The following ENPP4 variants were observed in gnomAD, a reference collection of about 807,000 sequenced individuals.
ENPP4 encodes ectonucleotide pyrophosphatase/phosphodiesterase 4, also known as bis(5'-adenosyl)-triphosphatase ENPP4.
A neutral mutation model predicts 33.4 loss-of-function variants in ENPP4; 18 were observed. The observed-to-expected ratio is 0.54, with a 90% CI of 0.37 to 0.80. The LOEUF (loss-of-function observed/expected upper bound fraction) is 0.80. ENPP4 is among the 30% of genes least tolerant of loss of function. The pLI is 0.00. For synonymous variants in ENPP4, 172 were observed against 189.9 expected (o/e 0.91, Z 0.78); for missense variants, 480 against 541.7 (o/e 0.89, Z 1.13).
chr6:46,134,169 G>A (rs1763943230), intron 1 of ENPP4, among the ~76,000 whole-genome samples: 1 of 151,954 alleles, frequency 6.6e-6, no homozygotes, highest in African/African-American at 2.4e-5. Context: ...TTTGTAACTA[G>A]AATGATAAAG....
intron 1 of ENPP4, among the ~76,000 whole-genome samples, chr6:46,137,650 C>G (rs1763995730): frequency 6.6e-6 from 1 of 151,872 alleles, no homozygotes; most frequent in Non-Finnish European, 1.5e-5. Flanking sequence ...CCATATGCCT[C>G]CTCTACCACT....
rs1448164550 is a variant in ENPP4 at position 46,141,233 on chromosome 6, A to G, written c.997+11A>G. 2 of 1,597,560 alleles carry G rather than the reference A, an allele frequency of 1.3e-6. No individual in the cohort carries two copies. The highest frequency in any genetic ancestry group is 1.1e-5 in the South Asian group (1 of 90,362). On this transcript the variant is annotated intron_variant, in intron 3 of 3. Transcript: ENST00000321037. ...AATCATCACAAAAATGTAAGTATTT[A>G]GTTGAGATATTTCTGTTGTATCCTA...
At chr6:46,131,875 T>C (rs12206373) in intron 1 of ENPP4, among the ~76,000 whole-genome samples, 20,054 of 152,074 alleles carry the variant, frequency 0.13, 1,752 homozygotes, top group South Asian at 0.32. Context: ...TGATATCTCA[T>C]TGTGGTTTTG....
At chr6:46,137,980 A>G (rs180918740) in intron 1 of ENPP4, among the ~76,000 whole-genome samples, 3 of 151,940 alleles carry the variant, frequency 2.0e-5, no homozygotes, top group Admixed American at 2.0e-4. Flanking sequence ...AGAATACACA[A>G]TAAATGACTC....
rs1191043190 is a variant in ENPP4, at chr6:46,146,040, G to T, written c.*2400G>T. Reference sequence around the variant, plus strand: ...AACTAACATGCTGCTCTATTTTCTGGGTGTAGAAAGTATTTGGCTCTAGGA... The same window carrying T: ...AACTAACATGCTGCTCTATTTTCTGTGTGTAGAAAGTATTTGGCTCTAGGA... On this transcript the variant is annotated 3_prime_UTR_variant, in exon 4 of 4. Transcript: ENST00000321037. 1 of 151,574 alleles carries T rather than the reference G, an allele frequency of 6.6e-6. No individual in the cohort carries two copies. Among genetic ancestry groups the T allele is most frequent in the South Asian group, 2.1e-4 (1 of 4,816 alleles). 9.4% of individuals were successfully genotyped at this position (151,574 alleles called of 1,614,324 possible). A position where few individuals can be genotyped will look rare whatever the true frequency, so the allele number is the denominator to read the frequency against.
intron 3 of ENPP4, among the ~76,000 whole-genome samples, chr6:46,142,476 ATTTT>A: frequency 1.2e-5 from 1 of 86,616 alleles, no homozygotes; most frequent in East Asian, 4.1e-4. Flanking sequence ...AAAAATATAT[ATTTT>A]TTTCTAATAT....
chr6:46,138,594 G>T (rs1764009590), intron 1 of ENPP4, among the ~76,000 whole-genome samples: 1 of 151,684 alleles, frequency 6.6e-6, no homozygotes, highest in Non-Finnish European at 1.5e-5. Context: ...TTCACCTCCA[G>T]CCCTCAAATC....
chr6:46,139,564 T>C lies in ENPP4; in HGVS notation c.-20T>C. The C allele has an allele frequency of 8.1e-7, 1 of 1,227,936 alleles. No homozygotes were observed. Among genetic ancestry groups the C allele is most frequent in the East Asian group, 2.3e-5 (1 of 43,072 alleles). 76.1% of individuals were successfully genotyped at this position (1,227,936 alleles called of 1,614,324 possible). A position where few individuals can be genotyped will look rare whatever the true frequency, so the allele number is the denominator to read the frequency against. On this transcript the variant is annotated 5_prime_UTR_variant, in exon 2 of 4. Transcript: ENST00000321037. The stretch of plus-strand genomic sequence containing the variant: ...TTTACATTTTAGGAACCCTGATTGC[T>C]GTCCTTCAACGTGTTCATTATGAAG...
rs557219598 is a variant in ENPP4, at chr6:46,139,198, C to T, written c.-33-353C>T. ...GGAGCCTCTGAAAGCTTGGCATTAA[C>T]GTTATGTTTTACAAAAGAATCATTT... is the stretch of plus-strand genomic sequence containing the variant. On this transcript the variant is annotated intron_variant, in intron 1 of 3. Transcript: ENST00000321037. Among the ~76,000 whole-genome samples the T allele has an allele frequency of 1.3e-4, 19 of 151,806 alleles. No individual in the cohort carries two copies. The East Asian group carries it at 3.3e-3, about 26-fold the overall frequency.
At position 46,139,948 on chromosome 6, in the gene ENPP4, C is replaced by A; in HGVS notation, c.365C>A (p.Thr122Asn). ...AATGAGGCAGTACCTATTTGGGTGA[C>A]CAATCAGCTTCAGGAAAACAGATCA... ...WWNEAVPIWV[T>N]NQLQENRSSA... Residue 122 changes from threonine (T) to asparagine (N), a missense_variant, in exon 2 of 4, where the codon ACC becomes AAC. Around this residue, in one of 3 missense-constraint regions of ENPP4, gnomAD observed 227 missense variants for 273.7 expected, o/e 0.83. Transcript: ENST00000321037. 6.2e-7 allele frequency: 1 copy of A among 1,612,704 alleles called. No individual in the cohort carries two copies. Among genetic ancestry groups the A allele is most frequent in the African/African-American group, 1.3e-5 (1 of 74,864 alleles).
chr6:46,131,162 AATT>A (rs960424124), intron 1 of ENPP4, among the ~76,000 whole-genome samples: 15 of 151,952 alleles, frequency 9.9e-5, no homozygotes, highest in South Asian at 2.1e-4. Flanking sequence ...TTTATTTATT[AATT>A]ATTATTATTA....
At chr6:46,132,839 G>A (rs1034176372) in intron 1 of ENPP4, among the ~76,000 whole-genome samples, 9 of 151,790 alleles carry the variant, frequency 5.9e-5, no homozygotes, top group African/African-American at 2.2e-4. Flanking sequence ...TTGAGCAGTG[G>A]TTTGTAGTTC....
chr6:46,132,973 A>G (rs2127491729), intron 1 of ENPP4, among the ~76,000 whole-genome samples: 1 of 152,156 alleles, frequency 6.6e-6, no homozygotes, highest in Admixed American at 6.5e-5. Flanking sequence ...ATGTATAAGA[A>G]TGCTTGTGAT....
rs1764124075 is a variant in ENPP4 at position 46,145,112 on chromosome 6, A to G, written c.*1472A>G. ...GATCTTTAAAGTTTTGACAATATAA[A>G]ATAAACTTGGTAACTGTTTTACAAA... On this transcript the variant is annotated 3_prime_UTR_variant, in exon 4 of 4. Transcript: ENST00000321037. 1 of 388,826 alleles carries G rather than the reference A, an allele frequency of 2.6e-6. No individual in the cohort carries two copies. The highest frequency in any genetic ancestry group is 4.4e-5 in the Admixed American group (1 of 22,474). 24.1% of individuals were successfully genotyped at this position (388,826 alleles called of 1,614,324 possible). A position where few individuals can be genotyped will look rare whatever the true frequency, so the allele number is the denominator to read the frequency against.
chr6:46,131,263 C>T (rs947761629), intron 1 of ENPP4, among the ~76,000 whole-genome samples: 7 of 152,098 alleles, frequency 4.6e-5, no homozygotes, highest in African/African-American at 1.4e-4. Context: ...CACCCACTAA[C>T]CCATCATCTA....
At chr6:46,141,497 T>A (rs1263748557) in intron 3 of ENPP4, among the ~76,000 whole-genome samples, 1 of 151,688 alleles carries the variant, frequency 6.6e-6, no homozygotes, top group East Asian at 1.9e-4. Context: ...TTCATTCTCT[T>A]GATTTATACA....
rs990301882 is a variant in ENPP4, at chr6:46,146,627, T to G, written c.*2987T>G. The G allele has an allele frequency of 3.9e-5, 6 of 152,058 alleles. No homozygotes were observed. The highest frequency in any genetic ancestry group is 7.4e-5 in the Non-Finnish European group (5 of 67,882). 9.4% of individuals were successfully genotyped at this position (152,058 alleles called of 1,614,324 possible). ...TCAGAATTAATGACTTTGTTCATGA[T>G]TTTTAAAATGTGTGTGAATAAAATC... On this transcript the variant is annotated 3_prime_UTR_variant, in exon 4 of 4. Transcript: ENST00000321037.
At position 46,131,077 on chromosome 6, in the gene ENPP4, C is replaced by A. The variant is rs145449524; in HGVS notation, c.-34+888C>A. ...GCCTGCTGCACTTGTGCGTCTTCCC[C>A]CCACCTCCACTTAAATTAGTTACAG... On this transcript the variant is annotated intron_variant, in intron 1 of 3. Transcript: ENST00000321037. Among the ~76,000 whole-genome samples the A allele has an allele frequency of 5.2e-3, 784 of 152,210 alleles. 13 individuals are homozygous for A. Among genetic ancestry groups the A allele is most frequent in the African/African-American group, 0.018 (746 of 41,538 alleles).
intron 1 of ENPP4, among the ~76,000 whole-genome samples, chr6:46,138,326 C>G (rs184938368): frequency 6.6e-6 from 1 of 151,930 alleles, no homozygotes; most frequent in Non-Finnish European, 1.5e-5. Flanking sequence ...CTGGCAGAAT[C>G]TCAAATCCAG....
Sources: gnomAD v4.1 joint callset for allele counts (sites outside exome capture counted in the v4.1 genomes callset) on GRCh38, gnomAD v4.1.1 for gene constraint, gnomAD v4.1.1 regional missense constraint, MANE v1.5 for transcripts, NCBI Gene and HGNC (gene_info 2026-07-23, HGNC 2026-07-21) for gene names.